Variants in LIPA observed in about 807,000 individuals in gnomAD.
LIPA encodes lipase A, lysosomal acid type, also known as lysosomal acid lipase/cholesteryl ester hydrolase.
LIPA carries 26 observed loss-of-function variants against 40.6 expected under a neutral mutation model. The observed-to-expected ratio is 0.64, with a 90% CI of 0.47 to 0.89. LIPA has a LOEUF of 0.89. Among genes scored for constraint, LIPA ranks in the 40% least tolerant of loss-of-function variants. The pLI is 0.00. For synonymous variants in LIPA, 188 were observed against 168.4 expected, an observed-to-expected ratio of 1.12 and a Z score of -0.90; for missense variants, 455 against 479.6, an observed-to-expected ratio of 0.95 and a Z score of 0.48.
chr10:89,319,159 A>G (rs1843557512), intron 1 of LIPA, among the ~76,000 whole-genome samples: 1 of 152,214 alleles, frequency 6.6e-6, no homozygotes, highest in East Asian at 1.9e-4. Flanking sequence ...AGAACTAGAG[A>G]AGCAAGAGCA....
intron 2 of LIPA, among the ~76,000 whole-genome samples, chr10:89,246,454 T>A (rs1178040551): frequency 6.6e-6 from 1 of 152,200 alleles, no homozygotes; most frequent in Non-Finnish European, 1.5e-5. Context: ...TTTAATTTTA[T>A]CATTCTTATT....
chr10:89,293,679 T>TGAGAGAGAGAGAGA (rs72229492), intron 1 of LIPA: 17 of 145,102 alleles, frequency 1.2e-4, no homozygotes, highest in African/African-American at 2.8e-4. Flanking sequence ...CTGTGTGAGA[T>TGAGAGAGAGAGAGA]GAGAGAGAGA....
chr10:89,269,378 G>A (rs923492498), intron 1 of LIPA, among the ~76,000 whole-genome samples: 2 of 152,038 alleles, frequency 1.3e-5, no homozygotes, highest in Non-Finnish European at 2.9e-5. Flanking sequence ...GCCAGGATAC[G>A]CTCTATATCC....
chr10:89,307,036 A>G, intron 1 of LIPA: 1 of 1,614,030 alleles, frequency 6.2e-7, no homozygotes, highest in Non-Finnish European at 8.5e-7. Flanking sequence ...TCCAAAAGGA[A>G]TTCAGTAAAG....
intron 2 of LIPA, among the ~76,000 whole-genome samples, chr10:89,395,748 C>T (rs1449627447): frequency 1.3e-5 from 2 of 152,118 alleles, no homozygotes; most frequent in African/African-American, 4.8e-5. Flanking sequence ...TGACCAAATA[C>T]CCTGAAGCTC....
At chr10:89,270,956 C>T (rs1178638210) in intron 1 of LIPA, among the ~76,000 whole-genome samples, 3 of 152,162 alleles carry the variant, frequency 2.0e-5, no homozygotes, top group East Asian at 1.9e-4. Context: ...TGGCCCAAGA[C>T]CTGAGCTATG....
chr10:89,225,733 C>A (rs1286874832), intron 5 of LIPA, among the ~76,000 whole-genome samples: 1 of 152,136 alleles, frequency 6.6e-6, no homozygotes, highest in Admixed American at 6.5e-5. Context: ...CAAATCTCAT[C>A]TTTAATTGTA....
chr10:89,255,230 T>G (rs148333066), upstream of LIPA, among the ~76,000 whole-genome samples: 1,139 of 152,312 alleles, frequency 7.5e-3, 28 homozygotes, highest in East Asian at 0.06. Context: ...GAGGTTTAAT[T>G]GACTCACAGT....
intron 1 of LIPA, among the ~76,000 whole-genome samples, chr10:89,258,813 A>G (rs1843193436): frequency 6.6e-6 from 1 of 152,258 alleles, no homozygotes; most frequent in African/African-American, 2.4e-5. Context: ...ATGTTCATCA[A>G]CTGATGAAGA....
chr10:89,330,379 C>T (rs1281481178), intron 1 of LIPA, among the ~76,000 whole-genome samples: 1 of 152,224 alleles, frequency 6.6e-6, no homozygotes, highest in Non-Finnish European at 1.5e-5. Flanking sequence ...GCACCAAACT[C>T]TACTGCTGAT....
At chr10:89,354,303 T>A (rs1200991011) in intron 2 of LIPA, among the ~76,000 whole-genome samples, 4 of 152,182 alleles carry the variant, frequency 2.6e-5, no homozygotes, top group Non-Finnish European at 5.9e-5. Flanking sequence ...TCAACGTACA[T>A]CTTACATGTA....
At chr10:89,361,886 T>TC (rs1844024880) in intron 2 of LIPA, among the ~76,000 whole-genome samples, 1 of 110,490 alleles carries the variant, frequency 9.1e-6, no homozygotes, top group South Asian at 3.4e-4. Flanking sequence ...TTTTTTTTTT[T>TC]TTTTTTTTTT....
At chr10:89,348,057 G>A (rs1004520280) in intron 2 of LIPA, among the ~76,000 whole-genome samples, 1 of 152,188 alleles carries the variant, frequency 6.6e-6, no homozygotes, top group Non-Finnish European at 1.5e-5. Context: ...CCAAACACAG[G>A]AGTGAGGAAG....
rs117374346 is a variant in LIPA, at chr10:89,364,787, G to A, written c.61+48004C>T. 9.2e-3 allele frequency among the ~76,000 whole-genome samples: 1,403 copies of A among 152,140 alleles called. 13 individuals are homozygous for A. The highest frequency in any genetic ancestry group is 0.027 in the Middle Eastern group (8 of 294). On this transcript the variant is annotated intron_variant, in intron 2 of 8. Coordinates refer to the LIPA transcript ENST00000371837. Reference sequence around the variant, plus strand: ...ATGCACAAGTAGTGCTAGGTAGTGTGTAATATACTCTTTGCTCTTTCTCTG... The same window carrying A: ...ATGCACAAGTAGTGCTAGGTAGTGTATAATATACTCTTTGCTCTTTCTCTG...
intron 2 of LIPA, among the ~76,000 whole-genome samples, chr10:89,410,061 C>T (rs953329342): frequency 3.9e-5 from 6 of 152,154 alleles, no homozygotes; most frequent in African/African-American, 7.2e-5. Context: ...TACTCAGACT[C>T]GTGGGACAAC....
intron 2 of LIPA, among the ~76,000 whole-genome samples, chr10:89,368,024 A>G (rs1452858347): frequency 3.9e-5 from 6 of 152,034 alleles, no homozygotes; most frequent in East Asian, 3.9e-4. Context: ...AGGTCTCACT[A>G]TGCCCAGGCT....
intron 8 of LIPA, among the ~76,000 whole-genome samples, chr10:89,221,169 T>C (rs949749442): frequency 6.6e-6 from 1 of 152,016 alleles, no homozygotes; most frequent in Non-Finnish European, 1.5e-5. Flanking sequence ...CACTGAAATA[T>C]ATCAAATTGT....
intron 8 of LIPA, among the ~76,000 whole-genome samples, chr10:89,216,793 G>A (rs886458194): frequency 1.3e-5 from 2 of 152,062 alleles, no homozygotes; most frequent in African/African-American, 2.4e-5. Context: ...AGATACTTGA[G>A]GGATGACTGT....
intron 1 of LIPA, among the ~76,000 whole-genome samples, chr10:89,413,766 CAA>C (rs376455922): frequency 6.0e-5 from 5 of 82,870 alleles, no homozygotes; most frequent in South Asian, 3.2e-4. Context: ...GACCCTGTCT[CAA>C]AAAAAAAAAA....
Sources: allele counts gnomAD v4.1 joint callset (sites outside exome capture counted in the v4.1 genomes callset), GRCh38; gene constraint gnomAD v4.1.1; transcripts MANE v1.5; gene names NCBI Gene and HGNC (gene_info 2026-07-23, HGNC 2026-07-21).